MGAT4C: variants seen among roughly 807,000 people sequenced by gnomAD.
MGAT4C encodes the protein MGAT4 family member C.
In MGAT4C, 19 loss-of-function variants were observed where a neutral mutation model predicts 40.1. The ratio of observed to expected loss-of-function variants is 0.47; its 90% CI spans 0.33 to 0.70. The LOEUF (loss-of-function observed/expected upper bound fraction) is 0.70, where lower values mean the gene tolerates loss of function less well. MGAT4C is among the 30% of genes least tolerant of loss of function. MGAT4C has a pLI of 0.02. For synonymous variants in MGAT4C, 181 were observed against 187.1 expected (o/e 0.97, Z 0.27); for missense variants, 491 against 563.2 (o/e 0.87, Z 1.30).
intron 1 of MGAT4C, among the ~76,000 whole-genome samples, chr12:86,089,487 A>T (rs370257420): frequency 6.6e-6 from 1 of 151,716 alleles, no homozygotes; most frequent in East Asian, 1.9e-4. Flanking sequence ...CTCCTCCTCT[A>T]TCCCACTGGT....
At chr12:86,335,345 C>A (rs1048233027) in intron 3 of MGAT4C, among the ~76,000 whole-genome samples, 1 of 152,072 alleles carries the variant, frequency 6.6e-6, no homozygotes, top group Non-Finnish European at 1.5e-5. Context: ...CCAGTAAAGT[C>A]TTTCTCTAGG....
rs141549754 is a variant in MGAT4C, at chr12:86,434,531, T to C, written c.-120+626A>G. On this transcript the variant is annotated intron_variant, in intron 3 of 7. Transcript: ENST00000548651. ...AGTTTATAATAGGTAGAGATTCTCATACAAATGTTGAAGCACATTACAGGC... is the reference window on the plus strand; with the variant it reads ...AGTTTATAATAGGTAGAGATTCTCACACAAATGTTGAAGCACATTACAGGC... Among the ~76,000 whole-genome samples the C allele has an allele frequency of 1.4e-3, 219 of 152,074 alleles. 3 individuals are homozygous for C. Among genetic ancestry groups the C allele is most frequent in the African/African-American group, 3.7e-3 (154 of 41,558 alleles).
At chr12:86,075,379 T>A (rs962525767) in intron 1 of MGAT4C, among the ~76,000 whole-genome samples, 5 of 152,088 alleles carry the variant, frequency 3.3e-5, no homozygotes, top group African/African-American at 1.2e-4. Context: ...TGCTCCTGTG[T>A]CTTTGCAGGG....
intron 2 of MGAT4C, among the ~76,000 whole-genome samples, chr12:86,494,329 T>G (rs1308909641): frequency 6.6e-6 from 1 of 151,984 alleles, no homozygotes; most frequent in Non-Finnish European, 1.5e-5. Flanking sequence ...TGTTCAAATT[T>G]TATTTGATAA....
chr12:86,715,909 A>C (rs762062595), intron 2 of MGAT4C, among the ~76,000 whole-genome samples: 40 of 152,268 alleles, frequency 2.6e-4, no homozygotes, highest in Non-Finnish European at 4.0e-4. Context: ...GTTTCTGAAA[A>C]GGAAAGAGCA....
intron 2 of MGAT4C, among the ~76,000 whole-genome samples, chr12:86,547,024 G>A (rs1007655600): frequency 2.6e-5 from 4 of 151,816 alleles, no homozygotes; most frequent in Non-Finnish European, 5.9e-5. Flanking sequence ...GATATATTAT[G>A]TAAAAATTTT....
intron 4 of MGAT4C, among the ~76,000 whole-genome samples, chr12:86,283,134 C>G (rs10745408): frequency 6.6e-6 from 1 of 151,574 alleles, no homozygotes; most frequent in Non-Finnish European, 1.5e-5. Context: ...TCTGCCTCCT[C>G]AGAACAATGA....
chr12:86,515,395 T>G (rs1309447506), intron 2 of MGAT4C, among the ~76,000 whole-genome samples: 1 of 152,242 alleles, frequency 6.6e-6, no homozygotes, highest in African/African-American at 2.4e-5. Context: ...CTACAGAATT[T>G]AAAAAGCATA....
chr12:86,665,511 G>T (rs866602133), intron 2 of MGAT4C, among the ~76,000 whole-genome samples: 1 of 151,854 alleles, frequency 6.6e-6, no homozygotes, highest in African/African-American at 2.4e-5. Flanking sequence ...CCAGCAGCTG[G>T]GACTACAGGT....
upstream of MGAT4C, among the ~76,000 whole-genome samples, chr12:86,257,776 A>G (rs1043730446): frequency 1.3e-5 from 2 of 152,188 alleles, no homozygotes; most frequent in African/African-American, 4.8e-5. Flanking sequence ...GATTACTCTG[A>G]GAAGCGAGTT....
intron 1 of MGAT4C, among the ~76,000 whole-genome samples, chr12:86,251,747 C>T (rs1258467543): frequency 5.9e-5 from 9 of 151,988 alleles, no homozygotes; most frequent in African/African-American, 2.2e-4. Context: ...TTAGGAGATA[C>T]CCTTGAGAGT....
At chr12:86,641,322 C>A (rs1369922616) in intron 2 of MGAT4C, among the ~76,000 whole-genome samples, 1 of 149,638 alleles carries the variant, frequency 6.7e-6, no homozygotes. Flanking sequence ...TGAACAATGA[C>A]AACACATGGA....
chr12:86,390,710 C>T (rs931918806), intron 3 of MGAT4C, among the ~76,000 whole-genome samples: 11 of 152,066 alleles, frequency 7.2e-5, no homozygotes, highest in African/African-American at 2.4e-4. Flanking sequence ...GACCAGTAGT[C>T]GCAACCTTTT....
chr12:86,309,269 G>A (rs536370489), intron 4 of MGAT4C, among the ~76,000 whole-genome samples: 1 of 141,296 alleles, frequency 7.1e-6, no homozygotes, highest in African/African-American at 3.1e-5. Context: ...AGTGTATTCA[G>A]CTTACCACCA....
chr12:86,438,893 T>C (rs1189712601), intron 2 of MGAT4C, among the ~76,000 whole-genome samples: 2 of 151,936 alleles, frequency 1.3e-5, no homozygotes, highest in Non-Finnish European at 2.9e-5. Context: ...AAGAAGGTCA[T>C]TATATAATGA....
chr12:86,141,352 TATAA>T (rs1223375726), intron 1 of MGAT4C, among the ~76,000 whole-genome samples: 19 of 152,180 alleles, frequency 1.2e-4, no homozygotes, highest in African/African-American at 4.6e-4. Context: ...TAAGTTGAAA[TATAA>T]ATAAATAGCT....
intron 4 of MGAT4C, among the ~76,000 whole-genome samples, chr12:86,282,053 C>CT (rs1953231379): frequency 6.6e-6 from 1 of 151,996 alleles, no homozygotes; most frequent in African/African-American, 2.4e-5. Context: ...ATGTTATGTA[C>CT]ATGGGGGCTT....
At chr12:86,420,006 C>G (rs1956789895) in intron 3 of MGAT4C, among the ~76,000 whole-genome samples, 1 of 55,900 alleles carries the variant, frequency 1.8e-5, no homozygotes, top group Non-Finnish European at 4.1e-5. Context: ...CAATAAAGAC[C>G]ATAATTTTTT....
At chr12:86,339,919 C>A (rs1042171362) in intron 3 of MGAT4C, among the ~76,000 whole-genome samples, 7 of 152,260 alleles carry the variant, frequency 4.6e-5, no homozygotes, top group African/African-American at 7.2e-5. Flanking sequence ...GTACATAGAG[C>A]AGCACTTTGG....
Sources: gnomAD v4.1 joint callset for allele counts (sites outside exome capture counted in the v4.1 genomes callset) on GRCh38, gnomAD v4.1.1 for gene constraint, MANE v1.5 for transcripts, NCBI Gene and HGNC (gene_info 2026-07-23, HGNC 2026-07-21) for gene names.